PPM1D: variants seen among roughly 807,000 people sequenced by gnomAD.
PPM1D encodes the protein protein phosphatase, Mg2+/Mn2+ dependent 1D.
In PPM1D, 52 loss-of-function variants were observed where a neutral mutation model predicts 58.3. The ratio of observed to expected loss-of-function variants is 0.89; its 90% CI spans 0.71 to 1.12. The LOEUF is 1.12. PPM1D is among the 50% of genes most tolerant of loss of function. The probability of loss-of-function intolerance (pLI) is 0.00; values close to 1 mark genes in which losing one functional copy is unlikely to be tolerated. For missense variants in PPM1D, 564 were observed against 777.2 expected (o/e 0.73, Z 3.26); for synonymous variants, 278 against 285.1 (o/e 0.98, Z 0.25).
intron 4 of PPM1D, among the ~76,000 whole-genome samples, chr17:60,648,605 G>A (rs529960227): frequency 6.6e-6 from 1 of 151,842 alleles, no homozygotes; most frequent in Non-Finnish European, 1.5e-5. Flanking sequence ...GGATGGTCTC[G>A]ATCTGACCTC....
intron 3 of PPM1D, among the ~76,000 whole-genome samples, chr17:60,638,215 A>G (rs1183092750): frequency 1.3e-5 from 2 of 152,196 alleles, no homozygotes; most frequent in African/African-American, 4.8e-5. Flanking sequence ...ATAAGAGAAA[A>G]TCGTTTTAGT....
intron 2 of PPM1D, among the ~76,000 whole-genome samples, chr17:60,632,828 G>A (rs982446296): frequency 3.3e-5 from 5 of 151,468 alleles, no homozygotes; most frequent in Admixed American, 6.6e-5. Flanking sequence ...ATTAGCAGGC[G>A]TGGTAGCGTG....
intron 3 of PPM1D, among the ~76,000 whole-genome samples, chr17:60,645,308 C>T (rs898691043): frequency 4.6e-5 from 7 of 151,646 alleles, no homozygotes; most frequent in South Asian, 2.1e-4. Context: ...GAGCCAAGAT[C>T]GTGCCATTGC....
intron 5 of PPM1D, among the ~76,000 whole-genome samples, chr17:60,659,224 C>T (rs769796378): frequency 2.0e-5 from 3 of 152,072 alleles, no homozygotes; most frequent in Non-Finnish European, 4.4e-5. Flanking sequence ...GTACTCCTGA[C>T]TATATTTAAT....
At chr17:60,619,790 G>A (rs781501276) in intron 1 of PPM1D, among the ~76,000 whole-genome samples, 13 of 151,916 alleles carry the variant, frequency 8.6e-5, no homozygotes, top group Non-Finnish European at 1.9e-4. Flanking sequence ...TAGTGGAGAT[G>A]GGTCTCGTTA....
chr17:60,616,458 A>G (rs2030587296), intron 1 of PPM1D, among the ~76,000 whole-genome samples: 1 of 151,404 alleles, frequency 6.6e-6, no homozygotes, highest in Non-Finnish European at 1.5e-5. Context: ...AAATACAAAA[A>G]TATTAGCCTG....
chr17:60,615,897 GT>G (rs2030573527), intron 1 of PPM1D, among the ~76,000 whole-genome samples: 1 of 152,032 alleles, frequency 6.6e-6, no homozygotes, highest in Admixed American at 6.6e-5. Flanking sequence ...TTCAATCACA[GT>G]GCACTATAGC....
chr17:60,634,054 A>G, intron 3 of PPM1D, 77 bp downstream of exon 3: 1 of 1,503,578 alleles, frequency 6.7e-7, no homozygotes. Flanking sequence ...AGGAGACAGA[A>G]CTAAACCCTT....
At chr17:60,613,924 C>T (rs1354151359) in intron 1 of PPM1D, among the ~76,000 whole-genome samples, 1 of 144,786 alleles carries the variant, frequency 6.9e-6, no homozygotes, top group Non-Finnish European at 1.5e-5. Flanking sequence ...CTCACACAGC[C>T]CAAGCCTCCC....
Position 60,663,609 on chromosome 17 carries a change from T to A in PPM1D, c.*57T>A, listed in dbSNP as rs941415894. The A allele has an allele frequency of 1.3e-6, 2 of 1,528,778 alleles. No individual in the cohort carries two copies. Among genetic ancestry groups the A allele is most frequent in the African/African-American group, 2.8e-5 (2 of 71,906 alleles). 94.7% of individuals were successfully genotyped at this position (1,528,778 alleles called of 1,614,324 possible). ...TTAGGATATAAGAGGGCTTTTTAAA[T>A]TTGGTGCCGATGTTGAACTTTTTTT... is the stretch of plus-strand genomic sequence containing the variant. On this transcript the variant is annotated 3_prime_UTR_variant, in exon 6 of 6. Coordinates refer to ENST00000305921, the MANE Select transcript of PPM1D (RefSeq NM_003620.4).
intron 1 of PPM1D, among the ~76,000 whole-genome samples, chr17:60,601,817 A>G (rs1040844732): frequency 6.6e-6 from 1 of 152,324 alleles, no homozygotes; most frequent in East Asian, 1.9e-4. Context: ...TCTGTGCCCA[A>G]CATTTACAGA....
chr17:60,631,258 T>C (rs1474106965), intron 2 of PPM1D, among the ~76,000 whole-genome samples: 1 of 152,126 alleles, frequency 6.6e-6, no homozygotes, highest in African/African-American at 2.4e-5. Context: ...AAGTCAAAGC[T>C]GTGGTGAGCC....
At chr17:60,643,311 G>A (rs2031173712) in intron 3 of PPM1D, among the ~76,000 whole-genome samples, 1 of 152,026 alleles carries the variant, frequency 6.6e-6, no homozygotes, top group South Asian at 2.1e-4. Context: ...AGCCTGGGAG[G>A]CGCAGGTTGC....
In PPM1D at chr17:60,600,545, C is replaced by G. The variant is rs373862041; in HGVS notation, c.131C>G (p.Ser44Trp). Reference sequence around the variant, plus strand: ...GAAGAAAAGCCCTCGCCGCGGCGGTCGCTGTCTCAGCCGTTGCCTCCGCGG... The same window carrying G: ...GAAGAAAAGCCCTCGCCGCGGCGGTGGCTGTCTCAGCCGTTGCCTCCGCGG... ...TAEEKPSPRR[S>W]LSQPLPPRPS... The change falls in exon 1 of 6, where the codon TCG becomes TGG. Residue 44 changes from serine to tryptophan, a missense_variant. Ser to Trp is a radical substitution (Grantham distance 177, BLOSUM62 -3). Around this residue, in one of 7 missense-constraint regions of PPM1D, gnomAD observed 132 missense variants for 150.4 expected, o/e 0.88. Transcript: ENST00000305921. The G allele has an allele frequency of 4.0e-4, 620 of 1,553,936 alleles. 2 individuals carry two copies. The highest frequency in any genetic ancestry group is 4.8e-4 in the Non-Finnish European group (555 of 1,149,112).
chr17:60,605,637 T>C (rs1169710700), intron 1 of PPM1D, among the ~76,000 whole-genome samples: 1 of 152,236 alleles, frequency 6.6e-6, no homozygotes, highest in Non-Finnish European at 1.5e-5. Context: ...GCGTGGTGGC[T>C]CACGCCTGTA....
intron 5 of PPM1D, 24 bp downstream of exon 5, chr17:60,656,865 G>A (rs775932801): frequency 6.2e-7 from 1 of 1,613,290 alleles, no homozygotes; most frequent in South Asian, 1.1e-5. Context: ...TAGTTTTTAA[G>A]TTATGTTTTA....
Position 60,604,339 on chromosome 17 carries a change from T to C in PPM1D, c.472+3453T>C, listed in dbSNP as rs77765484. On this transcript the variant is annotated intron_variant, in intron 1 of 5. Coordinates refer to ENST00000305921, the MANE Select transcript of PPM1D (RefSeq NM_003620.4). ...ATTGAGAACAAATACTGTCAGTTTT[T>C]CTTGAAGCGAAAAGCTCACTTTGTT... Among the ~76,000 whole-genome samples, 366 of 152,334 alleles carry C rather than the reference T, an allele frequency of 2.4e-3. 1 individual carries two copies. Among genetic ancestry groups the C allele is most frequent in the African/African-American group, 8.5e-3 (354 of 41,570 alleles).
At chr17:60,629,141 A>G (rs1215881794) in intron 2 of PPM1D, among the ~76,000 whole-genome samples, 1 of 152,170 alleles carries the variant, frequency 6.6e-6, no homozygotes, top group Non-Finnish European at 1.5e-5. Context: ...GTAAGACAGC[A>G]TTGCTTATTG....
intron 4 of PPM1D, 130 bp from the exon 5 acceptor site, chr17:60,656,469 A>C: frequency 7.8e-7 from 1 of 1,285,926 alleles, no homozygotes. Flanking sequence ...AAAAAAAGAG[A>C]AAAGAAAAAA....
Sources: gnomAD v4.1 joint callset for allele counts (sites outside exome capture counted in the v4.1 genomes callset) on GRCh38, gnomAD v4.1.1 for gene constraint, gnomAD v4.1.1 regional missense constraint, MANE v1.5 for transcripts, NCBI Gene and HGNC (gene_info 2026-07-23, HGNC 2026-07-21) for gene names.